TTLL1: variants seen among roughly 807,000 people sequenced by gnomAD.
The protein encoded by TTLL1 is TTL family tubulin polyglutamylase complex subunit L1, also known as polyglutamylase complex subunit TTLL1.
A neutral mutation model predicts 47.8 loss-of-function variants in TTLL1; 33 were observed. That is an observed-to-expected ratio of 0.69 (90% CI 0.52 to 0.92). The LOEUF is 0.92. Ranked by LOEUF, TTLL1 falls within the 40% of genes least tolerant of loss-of-function variation. TTLL1 has a pLI of 0.00. For synonymous variants in TTLL1, 225 were observed against 214.1 expected (o/e 1.05, Z -0.45); for missense variants, 488 against 547.5 (o/e 0.89, Z 1.08).
chr22:43,074,594 A>G (rs1928361755), intron 3 of TTLL1, among the ~76,000 whole-genome samples: 1 of 152,108 alleles, frequency 6.6e-6, no homozygotes, highest in African/African-American at 2.4e-5. Flanking sequence ...TAATCCCAAC[A>G]CTTTGGGAGG....
chr22:43,065,797 C>T (rs573955757), intron 5 of TTLL1, among the ~76,000 whole-genome samples: 5 of 151,742 alleles, frequency 3.3e-5, no homozygotes, highest in East Asian at 1.9e-4. Context: ...GGGGGGAGGC[C>T]GTGCATGTGT....
chr22:43,049,102 C>T (rs1436059818), intron 9 of TTLL1, among the ~76,000 whole-genome samples: 2 of 149,434 alleles, frequency 1.3e-5, no homozygotes, highest in South Asian at 4.3e-4. Flanking sequence ...ATCCATGTAA[C>T]AAACCGGCAT....
At chr22:43,052,778 G>T (rs1450953883) in intron 8 of TTLL1, among the ~76,000 whole-genome samples, 1 of 151,460 alleles carries the variant, frequency 6.6e-6, no homozygotes, top group African/African-American at 2.4e-5. Flanking sequence ...AAGAAAACTG[G>T]CTGGGCGCAG....
Position 43,059,357 on chromosome 22 carries a change from C to T in TTLL1, c.891+27G>A, listed in dbSNP as rs377234541. The T allele has an allele frequency of 5.7e-4, 907 of 1,589,966 alleles. 1 individual carries two copies. The highest frequency in any genetic ancestry group is 7.1e-4 in the Non-Finnish European group (827 of 1,168,030). The stretch of plus-strand genomic sequence containing the variant: ...CCACTCCCAAACGGGCCCTGGGAGC[C>T]GGCTCCCCCGCCCGCACCAAACTCA... On this transcript the variant is annotated intron_variant, in intron 8 of 10. Transcript: ENST00000266254.
Position 43,039,878 on chromosome 22 carries a change from G to C in TTLL1, c.1170C>G (p.Asp390Glu). ...GGCTTCTCAGCTCCCGGTCAGCCCC[G>C]TCACCCTGGGCCAATTCTTCATCAT... Reference protein sequence around the residue: ...ILYDEELAQGDGADRELRSRQ... With the variant: ...ILYDEELAQGEGADRELRSRQ... Residue 390 changes from aspartate to glutamate, a missense_variant, in exon 11 of 11, where the codon GAC becomes GAG. Transcript: ENST00000266254. 1 of 1,613,738 alleles carries C rather than the reference G, an allele frequency of 6.2e-7. No individual in the cohort carries two copies.
chr22:43,081,668 C>T (rs1019408868), intron 1 of TTLL1, among the ~76,000 whole-genome samples: 1 of 151,600 alleles, frequency 6.6e-6, no homozygotes, highest in African/African-American at 2.4e-5. Flanking sequence ...CTGCCTCAGC[C>T]TCCCAAGTAG....
intron 1 of TTLL1, among the ~76,000 whole-genome samples, chr22:43,083,548 C>G (rs1929035720): frequency 6.6e-6 from 1 of 151,908 alleles, no homozygotes; most frequent in South Asian, 2.1e-4. Context: ...GCCGGACCAA[C>G]AGAAACCCCG....
chr22:43,071,357 G>A (rs938534551), intron 3 of TTLL1, among the ~76,000 whole-genome samples: 5 of 152,092 alleles, frequency 3.3e-5, no homozygotes, highest in Admixed American at 6.6e-5. Context: ...AGAGCTGGCC[G>A]GGCGCAGTGG....
chr22:43,089,125 G>A (rs919911530), intron 1 of TTLL1, among the ~76,000 whole-genome samples, 152 bp downstream of exon 1: 2 of 152,214 alleles, frequency 1.3e-5, no homozygotes, highest in Non-Finnish European at 2.9e-5. Context: ...GCTTCCTGGA[G>A]GACGCGGATC....
intron 3 of TTLL1, among the ~76,000 whole-genome samples, chr22:43,073,960 T>C (rs1928308462): frequency 6.6e-6 from 1 of 151,912 alleles, no homozygotes; most frequent in South Asian, 2.1e-4. Flanking sequence ...TTCCTGGGAT[T>C]ACAGGCAGGC....
chr22:43,070,239 G>A (rs974552275), intron 3 of TTLL1: 21 of 1,317,868 alleles, frequency 1.6e-5, no homozygotes, highest in African/African-American at 3.0e-5. Flanking sequence ...GAAGGTCAAG[G>A]AGCCTTTAAA....
Position 43,070,027 on chromosome 22 carries a change from C to T in TTLL1, c.114-183G>A, listed in dbSNP as rs749575261. The T allele has an allele frequency of 2.3e-5, 28 of 1,211,302 alleles. No individual in the cohort carries two copies. The Admixed American group carries it at 3.2e-4, about 14-fold the overall frequency. The allele number at this position is 1,211,302 out of a possible 1,614,324, so 75.0% of individuals were successfully genotyped here. ...AGAGAATGGGTGCCCAGGGACAGGC[C>T]GGGACCCAAGTGGTGTGAGGGCCAG... is the stretch of plus-strand genomic sequence containing the variant. On this transcript the variant is annotated intron_variant, in intron 3 of 10. Coordinates refer to ENST00000266254, the MANE Select transcript of TTLL1 (RefSeq NM_012263.5).
intron 5 of TTLL1, among the ~76,000 whole-genome samples, chr22:43,066,341 A>T (rs1259038193): frequency 6.6e-6 from 1 of 151,960 alleles, no homozygotes; most frequent in Non-Finnish European, 1.5e-5. Context: ...CCCAGGGGAC[A>T]GTGCAAGCAG....
chr22:43,072,890 T>C (rs1018089977), intron 3 of TTLL1, among the ~76,000 whole-genome samples: 2 of 152,134 alleles, frequency 1.3e-5, no homozygotes, highest in African/African-American at 4.8e-5. Flanking sequence ...AAGAGTTCTA[T>C]GCCCTGGCCT....
At position 43,040,078 on chromosome 22, in the gene TTLL1, T is replaced by G. The variant is rs531325256; in HGVS notation, c.1143-173A>C. On this transcript the variant is annotated intron_variant, in intron 10 of 10. Transcript: ENST00000266254. Reference sequence around the variant, plus strand: ...ACCTCCCACCTGGCTCCAGCCCACCTGCCTGCCAGGTGGCTCTCGCAGCCC... The same window carrying G: ...ACCTCCCACCTGGCTCCAGCCCACCGGCCTGCCAGGTGGCTCTCGCAGCCC... 51 of 785,074 alleles carry G rather than the reference T, an allele frequency of 6.5e-5. No individual in the cohort carries two copies. In the East Asian group the frequency reaches 1.5e-3, roughly 23 times the overall value. 48.6% of individuals were successfully genotyped at this position (785,074 alleles called of 1,614,324 possible). A position where few individuals can be genotyped will look rare whatever the true frequency, so the allele number is the denominator to read the frequency against.
At chr22:43,083,574 C>CA (rs1929037900) in intron 1 of TTLL1, among the ~76,000 whole-genome samples, 1 of 151,562 alleles carries the variant, frequency 6.6e-6, no homozygotes. Flanking sequence ...ACTAAAAATA[C>CA]AAAATTAGCT....
At chr22:43,046,369 G>A in intron 10 of TTLL1, 41 bp downstream of exon 10, 1 of 1,605,776 alleles carries the variant, frequency 6.2e-7, no homozygotes, top group Non-Finnish European at 8.5e-7. Context: ...ACGCCATTCG[G>A]AAACACAGAA....
intron 1 of TTLL1, among the ~76,000 whole-genome samples, chr22:43,085,883 T>C (rs1322787125): frequency 6.6e-6 from 1 of 151,940 alleles, no homozygotes; most frequent in Non-Finnish European, 1.5e-5. Context: ...GGCAGCAGAG[T>C]GGGCTGGCTC....
Position 43,069,643 on chromosome 22 carries a change from G to T in TTLL1, c.315C>A (p.Leu105=). ...LAEKDENGKY[L]YLDFVPVTYM... ...GGTGGAAGACGCACAAACCCAGATA[G>T]AGGTATTTTCCATTTTCATCTTTTT... is the stretch of plus-strand genomic sequence containing the variant. Residue 105 remains leucine, a synonymous_variant, in exon 4 of 11, where the codon CTC becomes CTA. Transcript: ENST00000266254. The T allele has an allele frequency of 6.2e-7, 1 of 1,614,186 alleles. No homozygotes were observed. Among genetic ancestry groups the T allele is most frequent in the South Asian group, 1.1e-5 (1 of 91,078 alleles).
Sources: gnomAD v4.1 joint callset for allele counts (sites outside exome capture counted in the v4.1 genomes callset) on GRCh38, gnomAD v4.1.1 for gene constraint, MANE v1.5 for transcripts, NCBI Gene and HGNC (gene_info 2026-07-23, HGNC 2026-07-21) for gene names.